Variants in MMP26 observed in about 807,000 individuals in gnomAD.
The protein encoded by MMP26 is matrix metalloproteinase-26.
Under a neutral mutation model 31.0 loss-of-function variants are expected in MMP26, and 33 were observed. The ratio of observed to expected loss-of-function variants is 1.06; its 90% confidence interval spans 0.81 to 1.42. The LOEUF (loss-of-function observed/expected upper bound fraction) is 1.42, where lower values mean the gene tolerates loss of function less well. Among genes scored for constraint, MMP26 ranks in the 40% most tolerant of loss-of-function variants. The pLI, the probability that MMP26 is intolerant of heterozygous loss-of-function variation, is 0.00. For synonymous variants in MMP26, 122 were observed against 114.9 expected (o/e 1.06, Z -0.40); for missense variants, 347 against 316.1 (o/e 1.10, Z -0.74).
chr11:4,923,455 G>A, intron 2 of MMP26: 5 of 1,612,220 alleles, frequency 3.1e-6, no homozygotes, highest in Non-Finnish European at 4.2e-6. Context: ...TGGTCTTGAT[G>A]CTGTAGATGA....
chr11:4,863,865 A>G (rs766024520), intron 2 of MMP26, among the ~76,000 whole-genome samples: 1 of 152,212 alleles, frequency 6.6e-6, no homozygotes, highest in African/African-American at 2.4e-5. Context: ...GTCTTCTATT[A>G]TGTCCAACAC....
intron 2 of MMP26, among the ~76,000 whole-genome samples, chr11:4,886,120 T>C (rs1850542993): frequency 6.6e-6 from 1 of 152,096 alleles, no homozygotes; most frequent in African/African-American, 2.4e-5. Context: ...AACACTTCCG[T>C]AACCCTTGAT....
At chr11:4,744,847 A>G (rs1239588964) in intron 1 of MMP26, among the ~76,000 whole-genome samples, 1 of 152,190 alleles carries the variant, frequency 6.6e-6, no homozygotes, top group African/African-American at 2.4e-5. Context: ...TGAAATGATT[A>G]TCACAATGAA....
At chr11:4,874,010 G>A (rs1850346071) in intron 2 of MMP26, among the ~76,000 whole-genome samples, 1 of 152,070 alleles carries the variant, frequency 6.6e-6, no homozygotes, top group Non-Finnish European at 1.5e-5. Flanking sequence ...ATAAGTGAAA[G>A]ACCCTCAATC....
intron 1 of MMP26, among the ~76,000 whole-genome samples, chr11:4,721,884 C>T (rs1263817640): frequency 6.6e-6 from 1 of 152,182 alleles, no homozygotes; most frequent in Admixed American, 6.5e-5. Flanking sequence ...CCTGCTTTGG[C>T]CCCTGGAATC....
chr11:4,767,892 C>T lies in MMP26; in HGVS notation c.-145+551C>T, dbSNP rs539873441. On this transcript the variant is annotated intron_variant, in intron 2 of 7. Transcript: ENST00000380390. ...TCTGATTTTATTCTGCCATTATATG[C>T]AATTGACATTTTTAAGCTTCTGTCT... Among the ~76,000 whole-genome samples the T allele has an allele frequency of 7.1e-4, 108 of 152,226 alleles. No individual in the cohort carries two copies. In the Middle Eastern group the frequency reaches 0.01, roughly 14 times the overall value.
Position 4,855,256 on chromosome 11 carries a change from T to C in MMP26, c.-145+87915T>C, listed in dbSNP as rs1239377551. Among the ~76,000 whole-genome samples the C allele has an allele frequency of 6.6e-5, 10 of 151,790 alleles. 1 individual carries two copies. The highest frequency in any genetic ancestry group is 6.6e-4 in the Admixed American group (10 of 15,230). On this transcript the variant is annotated intron_variant, in intron 2 of 7. Coordinates refer to ENST00000380390, the MANE Select transcript of MMP26 (RefSeq NM_021801.5). ...ACAGAAGTAGGCCTCAGAAGATCAG[T>C]AATAACAAACTTCTCTGAGCTAAAG...
At chr11:4,916,154 T>TAAA (rs5789343) in intron 2 of MMP26, among the ~76,000 whole-genome samples, 1 of 146,634 alleles carries the variant, frequency 6.8e-6, no homozygotes, top group South Asian at 2.2e-4. Flanking sequence ...CAGTCTCTAC[T>TAAA]AAAAAAAAAA....
At chr11:4,772,591 A>G (rs574313905) in intron 2 of MMP26, among the ~76,000 whole-genome samples, 1 of 152,240 alleles carries the variant, frequency 6.6e-6, no homozygotes, top group Admixed American at 6.5e-5. Context: ...TGAATGAATG[A>G]TGTTCTCATG....
intron 1 of MMP26, among the ~76,000 whole-genome samples, chr11:4,756,367 A>G (rs1564902181): frequency 1.3e-5 from 2 of 152,082 alleles, no homozygotes; most frequent in Admixed American, 6.6e-5. Flanking sequence ...AATAAATACA[A>G]TAAAAATGAC....
intron 2 of MMP26, among the ~76,000 whole-genome samples, chr11:4,873,848 G>A (rs973827050): frequency 2.6e-5 from 4 of 152,088 alleles, no homozygotes; most frequent in African/African-American, 9.7e-5. Flanking sequence ...TGATTATTAA[G>A]TAACTTGTTC....
chr11:4,990,121 G>A (rs566362712), intron 4 of MMP26, among the ~76,000 whole-genome samples: 37 of 152,058 alleles, frequency 2.4e-4, no homozygotes, highest in Admixed American at 6.6e-4. Flanking sequence ...ATTTTAATGC[G>A]TGAGTGTGTG....
In MMP26 at chr11:4,750,874, G is replaced by T. The variant is rs1016426363; in HGVS notation, c.-216-16396G>T. Among the ~76,000 whole-genome samples the T allele has an allele frequency of 6.6e-5, 10 of 152,006 alleles. No homozygotes were observed. In the South Asian group the frequency reaches 1.9e-3, roughly 28 times the overall value. On this transcript the variant is annotated intron_variant, in intron 1 of 7. Transcript: ENST00000380390. ...CTAAAAGCCCAGACTTCAGCACTAT[G>T]CAATATATCCATGTAACAAAACTTT...
chr11:4,823,171 A>G (rs1849534416), intron 2 of MMP26, among the ~76,000 whole-genome samples: 1 of 151,236 alleles, frequency 6.6e-6, no homozygotes, highest in Non-Finnish European at 1.5e-5. Context: ...GATACTTTAT[A>G]GCTGGTTGTT....
intron 2 of MMP26, among the ~76,000 whole-genome samples, chr11:4,938,805 C>G (rs1846167051): frequency 6.6e-6 from 1 of 151,936 alleles, no homozygotes. Flanking sequence ...GAAGTAATGG[C>G]AGAACTGGAA....
At chr11:4,820,688 C>T (rs889318880) in intron 2 of MMP26, among the ~76,000 whole-genome samples, 19 of 152,002 alleles carry the variant, frequency 1.2e-4, no homozygotes, top group African/African-American at 4.4e-4. Context: ...AACTTTCTTA[C>T]TTTTGTGGTT....
intron 2 of MMP26, among the ~76,000 whole-genome samples, chr11:4,778,121 A>G (rs957289554): frequency 3.3e-5 from 5 of 152,056 alleles, no homozygotes; most frequent in Non-Finnish European, 7.4e-5. Flanking sequence ...ATCTTTCTCT[A>G]TAAGTGTCAT....
intron 1 of MMP26, among the ~76,000 whole-genome samples, chr11:4,731,830 G>A (rs1848177916): frequency 1.3e-5 from 2 of 152,144 alleles, no homozygotes; most frequent in South Asian, 2.1e-4. Context: ...GTTTTTGTAG[G>A]TATTGTGTCT....
intron 2 of MMP26, chr11:4,863,648 T>A (rs539154757): frequency 6.6e-6 from 1 of 152,290 alleles, no homozygotes; most frequent in Admixed American, 6.5e-5. Context: ...CAGAATTAAT[T>A]TGGCTTCTTT....
Sources: gnomAD v4.1 joint callset for allele counts (sites outside exome capture counted in the v4.1 genomes callset) on GRCh38, gnomAD v4.1.1 for gene constraint, MANE v1.5 for transcripts, NCBI Gene and HGNC (gene_info 2026-07-23, HGNC 2026-07-21) for gene names.